The following WIPI2 variants were observed in gnomAD, a reference collection of about 807,000 sequenced individuals.
WIPI2 encodes WD repeat domain, phosphoinositide interacting 2.
In WIPI2, 28 loss-of-function variants were observed where a neutral mutation model predicts 52.3. The observed-to-expected ratio is 0.54, with a 90% CI of 0.40 to 0.73. The LOEUF (loss-of-function observed/expected upper bound fraction) is 0.73, where lower values mean the gene tolerates loss of function less well. WIPI2 is among the 30% of genes least tolerant of loss of function. The pLI is 0.00. For synonymous variants in WIPI2, 268 were observed against 245.0 expected (o/e 1.09, Z -0.88); for missense variants, 506 against 602.9 (o/e 0.84, Z 1.68).
Position 5,190,244 on chromosome 7 carries a change from C to T in WIPI2, c.-176C>T, listed in dbSNP as rs1310473550. 1.8e-5 allele frequency: 6 copies of T among 327,946 alleles called. No individual in the cohort carries two copies. The highest frequency in any genetic ancestry group is 1.1e-4 in the African/African-American group (5 of 45,594). The allele number at this position is 327,946 out of a possible 1,614,324, so 20.3% of individuals were successfully genotyped here. A position where few individuals can be genotyped will look rare whatever the true frequency, so the allele number is the denominator to read the frequency against. On this transcript the variant is annotated 5_prime_UTR_variant, in exon 1 of 13. Coordinates refer to ENST00000288828, the MANE Select transcript of WIPI2 (RefSeq NM_015610.4). ...GGGGCCGCGCAGGCGTACCGGGTGC[C>T]CCGGCTCTGGAGCATAAACAAGAGC...
Position 5,213,686 on chromosome 7 carries a change from GT to G in WIPI2, c.212-847del, listed in dbSNP as rs368343251. 0.023 allele frequency among the ~76,000 whole-genome samples: 111 copies of G among 4,760 alleles called. No individual in the cohort carries two copies. The East Asian group carries it at 0.24, about 10-fold the overall frequency. The allele number at this position is 4,760 out of a possible 152,430, so 3.1% of individuals were successfully genotyped here. On this transcript the variant is annotated intron_variant, in intron 3 of 12. Transcript: ENST00000288828. ...TTGTTTTGTTGTTGTTGTTGTTGTTGTTGTTGTTGTTGTTTTTGAGATGGAG... is the reference window on the plus strand; with the variant it reads ...TTGTTTTGTTGTTGTTGTTGTTGTTGTGTTGTTGTTGTTTTTGAGATGGAG...
chr7:5,222,450 AG>A, intron 7 of WIPI2, 151 bp from the exon 8 acceptor site: 1 of 757,102 alleles, frequency 1.3e-6, no homozygotes. Context: ...ATGATGTTCA[AG>A]GGGGGCCCTG....
In WIPI2 at chr7:5,227,304, C is replaced by T; in HGVS notation, c.973C>T (p.Leu325=). Residue 325 remains leucine (L), a synonymous_variant, in exon 10 of 13, where the codon CTG becomes TTG. Coordinates refer to ENST00000288828, the MANE Select transcript of WIPI2 (RefSeq NM_015610.4). The surrounding 1 kb of genome is among the most constrained non-coding windows in gnomAD (Gnocchi z 8.1). The part of the protein sequence containing the change: ...NQGRAFATVR[L]PFCGHKNICS... Reference sequence around the variant, plus strand: ...GGGCAGAGCCTTCGCCACGGTCCGCCTGCCATTCTGCGGCCACAAAAACAT... The same window carrying T: ...GGGCAGAGCCTTCGCCACGGTCCGCTTGCCATTCTGCGGCCACAAAAACAT... 3 of 1,613,808 alleles carry T rather than the reference C, an allele frequency of 1.9e-6. No homozygotes were observed. The highest frequency in any genetic ancestry group is 2.5e-6 in the Non-Finnish European group (3 of 1,180,036).
intron 1 of WIPI2, among the ~76,000 whole-genome samples, chr7:5,191,464 T>G (rs775958882): frequency 7.2e-5 from 11 of 152,138 alleles, no homozygotes; most frequent in Non-Finnish European, 1.0e-4. Flanking sequence ...GTCTCAGAGC[T>G]CCAGCGGGTG....
chr7:5,201,872 T>G (rs1782044862), intron 3 of WIPI2, among the ~76,000 whole-genome samples: 1 of 152,244 alleles, frequency 6.6e-6, no homozygotes, highest in African/African-American at 2.4e-5. Flanking sequence ...AAAGAATGTT[T>G]TGAGGGTTAA....
intron 7 of WIPI2, among the ~76,000 whole-genome samples, chr7:5,219,517 T>C (rs1782984810): frequency 6.6e-6 from 1 of 152,154 alleles, no homozygotes; most frequent in Admixed American, 6.5e-5. Flanking sequence ...CTCTCATCTG[T>C]GGAGTGAGAG....
chr7:5,199,750 T>A, intron 3 of WIPI2, 92 bp downstream of exon 3: 1 of 1,288,080 alleles, frequency 7.8e-7, no homozygotes, highest in Non-Finnish European at 1.1e-6. Flanking sequence ...ACGCTGTGGT[T>A]GAAGTCCAGA....
chr7:5,229,872 A>G, intron 12 of WIPI2, 134 bp downstream of exon 12: 1 of 1,278,422 alleles, frequency 7.8e-7, no homozygotes, highest in East Asian at 2.7e-5. Context: ...AACATAAGCG[A>G]GGTTGGTAAA....
At chr7:5,192,973 A>G in intron 1 of WIPI2, 145 bp from the exon 2 acceptor site, 1 of 713,248 alleles carries the variant, frequency 1.4e-6, no homozygotes, top group Middle Eastern at 2.4e-4. Flanking sequence ...TTTGTTACAT[A>G]CCAAACTATA....
chr7:5,214,626 T>C lies in WIPI2; in HGVS notation c.303T>C (p.Val101=). 8.1e-6 allele frequency: 13 copies of C among 1,614,212 alleles called. No individual in the cohort carries two copies. Among genetic ancestry groups the C allele is most frequent in the Non-Finnish European group, 1.0e-5 (12 of 1,180,038 alleles). ...TTAAAGCACCAAGGAAGCTAAAGGTTTGCCACTTTAAGAAGGGAACTGAGA... is the reference window on the plus strand; with the variant it reads ...TTAAAGCACCAAGGAAGCTAAAGGTCTGCCACTTTAAGAAGGGAACTGAGA... ...VSLKAPRKLK[V]CHFKKGTEIC... is the part of the protein sequence containing the mutation. Residue 101 remains valine, a synonymous_variant, in exon 4 of 13, where the codon GTT becomes GTC. Transcript: ENST00000288828.
At position 5,227,017 on chromosome 7, in the gene WIPI2, C is replaced by T. The variant is rs1308524484; in HGVS notation, c.849-163C>T. 3.2e-5 allele frequency: 29 copies of T among 920,584 alleles called. No homozygotes were observed. The highest frequency in any genetic ancestry group is 2.2e-4 in the Admixed American group (9 of 40,358). 57.0% of individuals were successfully genotyped at this position (920,584 alleles called of 1,614,324 possible). A position where few individuals can be genotyped will look rare whatever the true frequency, so the allele number is the denominator to read the frequency against. ...CTCCCAGAGGAAGCTCCGTGATGCC[C>T]CTGGGGCCCTGAGTGTCTGCTTATA... On this transcript the variant is annotated intron_variant, in intron 9 of 12. Coordinates refer to ENST00000288828, the MANE Select transcript of WIPI2 (RefSeq NM_015610.4). This position sits in a 1 kb window ranked among gnomAD's most constrained non-coding sequence, Gnocchi z 8.1.
At chr7:5,229,339 T>C (rs910899840) in intron 11 of WIPI2, 20 of 302,236 alleles carry the variant, frequency 6.6e-5, no homozygotes, top group Non-Finnish European at 1.2e-4. Context: ...TTGTAAATAG[T>C]GAATCCTCGT....
At chr7:5,208,712 A>T (rs1377211080) in intron 3 of WIPI2, among the ~76,000 whole-genome samples, 2 of 152,138 alleles carry the variant, frequency 1.3e-5, no homozygotes, top group Non-Finnish European at 2.9e-5. Flanking sequence ...TTGGTGCTTT[A>T]CAGTCCTGTG....
chr7:5,223,124 T>A (rs1783232185), intron 8 of WIPI2, among the ~76,000 whole-genome samples: 1 of 152,192 alleles, frequency 6.6e-6, no homozygotes, highest in Non-Finnish European at 1.5e-5. Context: ...CTTGTCTTCC[T>A]CCCTCCAGGC....
chr7:5,203,170 G>A (rs1182670075), intron 3 of WIPI2, among the ~76,000 whole-genome samples: 1 of 152,162 alleles, frequency 6.6e-6, no homozygotes, highest in Non-Finnish European at 1.5e-5. Flanking sequence ...TGCATCTTAA[G>A]GTTTGAGAAA....
chr7:5,211,356 C>T (rs1167028426), intron 3 of WIPI2, among the ~76,000 whole-genome samples: 4 of 152,130 alleles, frequency 2.6e-5, no homozygotes, highest in Non-Finnish European at 4.4e-5. Context: ...ACTGTAGTCC[C>T]AGCTACTCAG....
At chr7:5,208,106 G>T (rs1478704082) in intron 3 of WIPI2, among the ~76,000 whole-genome samples, 1 of 151,962 alleles carries the variant, frequency 6.6e-6, no homozygotes. Context: ...TTTCTTTTCA[G>T]CCCTTCTGAT....
rs1783843043 is a variant in WIPI2 at position 5,233,797 on chromosome 7, C to G, written c.*2850C>G. ...AGCTCGGTGCCCAGCCAGCGGTGGG[C>G]ACCCAATAAACGCTACAACATAAAT... On this transcript the variant is annotated 3_prime_UTR_variant, in exon 13 of 13. Coordinates refer to ENST00000288828, the MANE Select transcript of WIPI2 (RefSeq NM_015610.4). 6.6e-6 allele frequency: 1 copy of G among 152,210 alleles called. No homozygotes were observed. Among genetic ancestry groups the G allele is most frequent in the Non-Finnish European group, 1.5e-5 (1 of 68,056 alleles). 9.4% of individuals were successfully genotyped at this position (152,210 alleles called of 1,614,324 possible).
In WIPI2 at chr7:5,232,181, G is replaced by A; in HGVS notation, c.*1234G>A. ...TTTTAGAATCTATGGAGTGGTGGAA[G>A]TTACGGATAGAAGGGAAAAGGCAAA... On this transcript the variant is annotated 3_prime_UTR_variant, in exon 13 of 13. Transcript: ENST00000288828. 2.5e-6 allele frequency: 1 copy of A among 398,872 alleles called. No individual in the cohort carries two copies. The highest frequency in any genetic ancestry group is 4.4e-6 in the Non-Finnish European group (1 of 226,078). 24.7% of individuals were successfully genotyped at this position (398,872 alleles called of 1,614,324 possible).
Sources: allele counts gnomAD v4.1 joint callset (sites outside exome capture counted in the v4.1 genomes callset), GRCh38; gene constraint gnomAD v4.1.1; non-coding constraint Gnocchi (gnomAD v3.1); transcripts MANE v1.5; gene names NCBI Gene and HGNC (gene_info 2026-07-23, HGNC 2026-07-21).